The following FRAS1 variants were observed in gnomAD, a reference collection of about 807,000 sequenced individuals.
The protein encoded by FRAS1 is extracellular matrix organizing protein FRAS1.
FRAS1 carries 290 observed loss-of-function variants against 435.2 expected under a neutral mutation model. The ratio of observed to expected loss-of-function variants is 0.67; its 90% confidence interval spans 0.61 to 0.73. FRAS1 has a LOEUF of 0.73. Among genes scored for constraint, FRAS1 ranks in the 30% least tolerant of loss-of-function variants. The probability of loss-of-function intolerance (pLI) is 0.00; values close to 1 mark genes in which losing one functional copy is unlikely to be tolerated. For missense variants in FRAS1, 4,860 were observed against 5,001.5 expected (o/e 0.97, Z 0.85); for synonymous variants, 1,800 against 1,851.0 (o/e 0.97, Z 0.71).
chr4:78,534,386 T>A (rs1285929219), intron 70 of FRAS1, 63 bp from the exon 71 acceptor site: 2 of 1,421,940 alleles, frequency 1.4e-6, no homozygotes, highest in African/African-American at 1.4e-5. Flanking sequence ...GGAGGGTGAC[T>A]CAAATGACAT....
chr4:78,213,792 G>C lies in FRAS1; in HGVS notation c.109-23718G>C, dbSNP rs184729535. 4.6e-5 allele frequency among the ~76,000 whole-genome samples: 7 copies of C among 152,210 alleles called. No homozygotes were observed. The East Asian group carries it at 1.2e-3, about 25-fold the overall frequency. ...CAAACACTAACTGAGCGCTCTTCTTGGGCAGGAAACCATTTCCTCTATTGC... is the reference window on the plus strand; with the variant it reads ...CAAACACTAACTGAGCGCTCTTCTTCGGCAGGAAACCATTTCCTCTATTGC... On this transcript the variant is annotated intron_variant, in intron 2 of 73. Transcript: ENST00000512123.
chr4:78,302,707 T>C (rs1413890992), intron 14 of FRAS1, among the ~76,000 whole-genome samples: 1 of 150,740 alleles, frequency 6.6e-6, no homozygotes, highest in Non-Finnish European at 1.5e-5. Flanking sequence ...GGGTTGTTTG[T>C]TTTTTTTTCT....
In FRAS1 at chr4:78,481,999, A is replaced by G. The variant is rs140756710; in HGVS notation, c.8604+35A>G. On this transcript the variant is annotated intron_variant, in intron 57 of 73. Transcript: ENST00000512123. ...CAGCAGTCGAGACTCCACAAAGTTG[A>G]CAGGTCGGTTTGTGAATGTTGTCTT... The G allele has an allele frequency of 7.3e-3, 11,721 of 1,598,694 alleles. 74 individuals are homozygous for G. The highest frequency in any genetic ancestry group is 0.023 in the Middle Eastern group (140 of 5,986).
At chr4:78,480,037 G>A (rs1719964964) in intron 56 of FRAS1, among the ~76,000 whole-genome samples, 1 of 152,140 alleles carries the variant, frequency 6.6e-6, no homozygotes, top group Non-Finnish European at 1.5e-5. Flanking sequence ...GATAAATGGG[G>A]TGTTCATCAC....
At position 78,522,628 on chromosome 4, in the gene FRAS1, ATG is replaced by A. The variant is rs763046346; in HGVS notation, c.10649-17_10649-16del. 4.4e-6 allele frequency: 7 copies of A among 1,582,934 alleles called. No homozygotes were observed. The highest frequency in any genetic ancestry group is 2.3e-5 in the South Asian group (2 of 86,770). ...GCTCTACCACAAGTACATTAAATGC[ATG>A]TGTTTCCCCTTCAAATAGGACAGTT... On this transcript the variant is annotated intron_variant, in intron 68 of 73. Transcript: ENST00000512123.
intron 14 of FRAS1, among the ~76,000 whole-genome samples, chr4:78,290,186 A>T (rs946706736): frequency 6.6e-6 from 1 of 152,256 alleles, no homozygotes; most frequent in Non-Finnish European, 1.5e-5. Flanking sequence ...GGTTAAAATT[A>T]TAAGGTTACA....
intron 22 of FRAS1, 49 bp from the exon 23 acceptor site, chr4:78,369,789 G>A (rs759720897): frequency 6.4e-6 from 10 of 1,559,138 alleles, no homozygotes; most frequent in African/African-American, 2.7e-5. Flanking sequence ...CAGTGCTTCA[G>A]TATTTGCAAT....
At chr4:78,118,107 T>C (rs1718762134) in intron 2 of FRAS1, among the ~76,000 whole-genome samples, 2 of 152,246 alleles carry the variant, frequency 1.3e-5, no homozygotes, top group Non-Finnish European at 2.9e-5. Context: ...CCAGACCCTC[T>C]TTGCCTGGGT....
chr4:78,485,503 C>A (rs1720143052), intron 58 of FRAS1, among the ~76,000 whole-genome samples: 1 of 152,136 alleles, frequency 6.6e-6, no homozygotes. Flanking sequence ...TGTGTTTAAT[C>A]AATAACTTAT....
chr4:78,238,500 T>G (rs1418870024), intron 3 of FRAS1, among the ~76,000 whole-genome samples: 1 of 151,908 alleles, frequency 6.6e-6, no homozygotes, highest in Non-Finnish European at 1.5e-5. Flanking sequence ...TTATGCCATC[T>G]AATGCTAATA....
intron 2 of FRAS1, among the ~76,000 whole-genome samples, chr4:78,223,934 T>C (rs1486715178): frequency 6.6e-6 from 1 of 152,186 alleles, no homozygotes; most frequent in Non-Finnish European, 1.5e-5. Context: ...TAGTACAGTT[T>C]TGTTACTATA....
At chr4:78,426,848 T>C (rs926537080) in intron 35 of FRAS1, among the ~76,000 whole-genome samples, 1 of 152,226 alleles carries the variant, frequency 6.6e-6, no homozygotes, top group African/African-American at 2.4e-5. Flanking sequence ...ACCCAAGTGA[T>C]AGCTAGTTAT....
chr4:78,122,771 T>C (rs1412586906), intron 2 of FRAS1, among the ~76,000 whole-genome samples: 1 of 152,254 alleles, frequency 6.6e-6, no homozygotes, highest in Non-Finnish European at 1.5e-5. Context: ...TGCATAAATA[T>C]CTTCTTTTGA....
intron 2 of FRAS1, chr4:78,181,973 G>C: frequency 6.3e-7 from 1 of 1,586,820 alleles, no homozygotes; most frequent in East Asian, 2.2e-5. Context: ...GAAGGGGTCC[G>C]ATTCGTCGTC....
chr4:78,313,982 G>A (rs1409598036), intron 15 of FRAS1, among the ~76,000 whole-genome samples: 1 of 152,100 alleles, frequency 6.6e-6, no homozygotes, highest in South Asian at 2.1e-4. Context: ...CTCTGCACCT[G>A]TCATGACTTT....
At chr4:78,174,649 C>G (rs1246130088) in intron 2 of FRAS1, among the ~76,000 whole-genome samples, 1 of 152,214 alleles carries the variant, frequency 6.6e-6, no homozygotes, top group Non-Finnish European at 1.5e-5. Context: ...CTGACTAGCA[C>G]TGGTCATCTT....
intron 51 of FRAS1, among the ~76,000 whole-genome samples, chr4:78,471,443 T>G (rs1719705884): frequency 6.6e-6 from 1 of 152,198 alleles, no homozygotes; most frequent in Non-Finnish European, 1.5e-5. Context: ...TTTCCCCACC[T>G]TATTTAGAGC....
rs113849569 is a variant in FRAS1 at position 78,430,326 on chromosome 4, G to A, written c.4878G>A (p.Ala1626=). The change falls in exon 37 of 74, where the codon GCG becomes GCA. Residue 1626 remains alanine (A), a synonymous_variant. Coordinates refer to ENST00000512123, the MANE Select transcript of FRAS1 (RefSeq NM_025074.7). ...TGGTAGTAAGAGATGCTGAGACAGC[G>A]CCCAAAGAACTCTTCTTTGAGCTTC... ...LQVVVRDAET[A]PKELFFELRR... 162 of 1,613,804 alleles carry A rather than the reference G, an allele frequency of 1.0e-4. No homozygotes were observed. The highest frequency in any genetic ancestry group is 9.3e-4 in the African/African-American group (70 of 75,008).
intron 9 of FRAS1, among the ~76,000 whole-genome samples, chr4:78,275,009 T>G (rs1224135795): frequency 2.0e-5 from 3 of 152,106 alleles, no homozygotes; most frequent in Non-Finnish European, 4.4e-5. Context: ...TGTATTGGGT[T>G]CATATATATT....
Sources: gnomAD v4.1 joint callset for allele counts (sites outside exome capture counted in the v4.1 genomes callset) on GRCh38, gnomAD v4.1.1 for gene constraint, MANE v1.5 for transcripts, NCBI Gene and HGNC (gene_info 2026-07-23, HGNC 2026-07-21) for gene names.